MYRIP: variants seen among roughly 807,000 people sequenced by gnomAD.
MYRIP encodes myosin VIIA and Rab interacting protein, also known as rab effector MyRIP.
Under a neutral mutation model 98.0 loss-of-function variants are expected in MYRIP, and 49 were observed. The ratio of observed to expected loss-of-function variants is 0.50; its 90% CI spans 0.40 to 0.63. MYRIP has a LOEUF of 0.63. Ranked by LOEUF, MYRIP falls within the 30% of genes least tolerant of loss-of-function variation. The pLI is 0.00. For synonymous variants in MYRIP, 404 were observed against 409.5 expected, an observed-to-expected ratio of 0.99 and a Z score of 0.16; for missense variants, 1,004 against 1,058.2, an observed-to-expected ratio of 0.95 and a Z score of 0.71.
At chr3:40,020,403 T>C (rs1386138538) in intron 2 of MYRIP, among the ~76,000 whole-genome samples, 3 of 152,248 alleles carry the variant, frequency 2.0e-5, no homozygotes, top group Admixed American at 1.3e-4. Context: ...ACATCATTAC[T>C]TACACCTTTC....
chr3:40,257,480 A>G (rs1357109119), intron 16 of MYRIP, among the ~76,000 whole-genome samples: 2 of 152,214 alleles, frequency 1.3e-5, no homozygotes, highest in Non-Finnish European at 2.9e-5. Flanking sequence ...AGTAGGATAT[A>G]AATAACTCTC....
chr3:39,947,285 AAG>A (rs1339937285), intron 2 of MYRIP, among the ~76,000 whole-genome samples: 1 of 152,114 alleles, frequency 6.6e-6, no homozygotes, highest in African/African-American at 2.4e-5. Flanking sequence ...GGGGTAATAA[AAG>A]AAAGAAATTA....
In MYRIP at chr3:39,939,424, A is replaced by G. The variant is rs561632063; in HGVS notation, c.110+38498A>G. On this transcript the variant is annotated intron_variant, in intron 2 of 16. Transcript: ENST00000302541. ...CATGGAAAAAAAGTCCATGCAGTTA[A>G]AAAAATAAAGCAGGACATAAAATAT... Among the ~76,000 whole-genome samples the G allele has an allele frequency of 4.6e-5, 7 of 152,284 alleles. No homozygotes were observed. The East Asian group carries it at 1.4e-3, about 29-fold the overall frequency.
chr3:40,204,341 C>G (rs71331113), intron 10 of MYRIP, among the ~76,000 whole-genome samples: 4,525 of 144,482 alleles, frequency 0.031, 92 homozygotes, highest in South Asian at 0.057. Context: ...GTGAGCACAT[C>G]CAGCTAATTT....
intron 2 of MYRIP, among the ~76,000 whole-genome samples, chr3:40,026,666 T>C (rs746765552): frequency 1.3e-5 from 2 of 152,176 alleles, no homozygotes; most frequent in Non-Finnish European, 2.9e-5. Flanking sequence ...AGGGATCTGC[T>C]TCCTCACTTC....
At chr3:40,163,825 C>A (rs1378937769) in intron 5 of MYRIP, among the ~76,000 whole-genome samples, 1 of 152,066 alleles carries the variant, frequency 6.6e-6, no homozygotes, top group Non-Finnish European at 1.5e-5. Flanking sequence ...TATTTTATAT[C>A]TATATATATC....
At chr3:39,925,531 T>G (rs893681120) in intron 2 of MYRIP, among the ~76,000 whole-genome samples, 1 of 152,092 alleles carries the variant, frequency 6.6e-6, no homozygotes, top group Non-Finnish European at 1.5e-5. Context: ...CATCTTTATG[T>G]CCATGTATAC....
intron 2 of MYRIP, among the ~76,000 whole-genome samples, chr3:40,000,332 A>T (rs1946489893): frequency 6.6e-6 from 1 of 152,202 alleles, no homozygotes; most frequent in Non-Finnish European, 1.5e-5. Flanking sequence ...CTCCAAGCAA[A>T]TTCCTATCAG....
At chr3:40,031,753 T>C (rs1332481006) in intron 2 of MYRIP, among the ~76,000 whole-genome samples, 1 of 152,218 alleles carries the variant, frequency 6.6e-6, no homozygotes, top group Non-Finnish European at 1.5e-5. Flanking sequence ...CCATTTCTTC[T>C]AGATTTTCTA....
rs10599051 is a variant in MYRIP at position 40,212,083 on chromosome 3, C to CAT, written c.1905+2001_1905+2002dup. Among the ~76,000 whole-genome samples, 9 of 64,202 alleles carry CAT rather than the reference C, an allele frequency of 1.4e-4. 1 individual carries two copies. The highest frequency in any genetic ancestry group is 4.9e-4 in the Admixed American group (3 of 6,112). The allele number at this position is 64,202 out of a possible 152,430, so 42.1% of individuals were successfully genotyped here. A position where few individuals can be genotyped will look rare whatever the true frequency, so the allele number is the denominator to read the frequency against. ...TTTTGCATGTAAAAGTCCATATAGC[C>CAT]ATATATATATATGTGTGTGTGTATA... On this transcript the variant is annotated intron_variant, in intron 11 of 16. Transcript: ENST00000302541.
intron 16 of MYRIP, 115 bp downstream of exon 16, chr3:40,252,114 C>T (rs754192240): frequency 4.0e-5 from 32 of 799,548 alleles, no homozygotes; most frequent in Middle Eastern, 2.3e-4. Flanking sequence ...ATCCTTCCTC[C>T]GTGGTCTTAT....
chr3:39,874,782 G>A (rs1008791181), intron 1 of MYRIP, among the ~76,000 whole-genome samples: 3 of 152,260 alleles, frequency 2.0e-5, no homozygotes, highest in South Asian at 2.1e-4. Context: ...TGTTCATTAA[G>A]GATATTGGTC....
chr3:39,938,187 T>A lies in MYRIP; in HGVS notation c.110+37261T>A, dbSNP rs964101301. Among the ~76,000 whole-genome samples, 4 of 152,210 alleles carry A rather than the reference T, an allele frequency of 2.6e-5. No homozygotes were observed. In the East Asian group the frequency reaches 5.8e-4, roughly 22 times the overall value. Reference sequence around the variant, plus strand: ...ACCAAGGATAATGCCAGCCTTGAATTCTAGTGACATAAATTAATTTGCCTA... The same window carrying A: ...ACCAAGGATAATGCCAGCCTTGAATACTAGTGACATAAATTAATTTGCCTA... On this transcript the variant is annotated intron_variant, in intron 2 of 16. Coordinates refer to ENST00000302541, the MANE Select transcript of MYRIP (RefSeq NM_015460.4).
At chr3:40,020,743 C>A (rs1354528001) in intron 2 of MYRIP, among the ~76,000 whole-genome samples, 2 of 152,094 alleles carry the variant, frequency 1.3e-5, no homozygotes, top group Non-Finnish European at 2.9e-5. Context: ...TTTCTTGGCC[C>A]CCCTGATTTT....
At chr3:40,029,288 A>G (rs1947207033) in intron 2 of MYRIP, among the ~76,000 whole-genome samples, 2 of 152,178 alleles carry the variant, frequency 1.3e-5, no homozygotes, top group Admixed American at 1.3e-4. Flanking sequence ...TTATTCAGCC[A>G]AGTGTATGTA....
intron 1 of MYRIP, among the ~76,000 whole-genome samples, chr3:39,880,634 T>G (rs1943135680): frequency 6.6e-6 from 1 of 152,262 alleles, no homozygotes; most frequent in Non-Finnish European, 1.5e-5. Flanking sequence ...GGTCTTTTTT[T>G]GCTTCTATTT....
chr3:39,903,252 G>A (rs984837158), intron 2 of MYRIP, among the ~76,000 whole-genome samples: 8 of 152,144 alleles, frequency 5.3e-5, no homozygotes, highest in Non-Finnish European at 4.4e-5. Flanking sequence ...TGAATTTTGG[G>A]TATGTGAAAG....
At chr3:39,984,195 TTA>T (rs1553654086) in intron 2 of MYRIP, among the ~76,000 whole-genome samples, 1 of 131,126 alleles carries the variant, frequency 7.6e-6, no homozygotes, top group East Asian at 2.9e-4. Flanking sequence ...TAAGGAAAGT[TTA>T]TTTTATTTTA....
Position 39,884,806 on chromosome 3 carries a change from A to ATTTTTTT in MYRIP, c.-30-15979_-30-15978insTTTTTTT, listed in dbSNP as rs10662369. Among the ~76,000 whole-genome samples the ATTTTTTT allele has an allele frequency of 3.6e-5, 5 of 137,316 alleles. 1 individual carries two copies. The highest frequency in any genetic ancestry group is 7.1e-5 in the Admixed American group (1 of 14,078). The allele number at this position is 137,316 out of a possible 152,430, so 90.1% of individuals were successfully genotyped here. Reference sequence around the variant, plus strand: ...TCCATTGTATGGCTATACAGTCATTATTATTTTTTTTTTTTGCATGAATGT... The same window carrying ATTTTTTT: ...TCCATTGTATGGCTATACAGTCATTATTTTTTTTTATTTTTTTTTTTTGCATGAATGT... On this transcript the variant is annotated intron_variant, in intron 1 of 16. Transcript: ENST00000302541.
Sources: allele counts gnomAD v4.1 joint callset (sites outside exome capture counted in the v4.1 genomes callset), GRCh38; gene constraint gnomAD v4.1.1; transcripts MANE v1.5; gene names NCBI Gene and HGNC (gene_info 2026-07-23, HGNC 2026-07-21).